SLC1A2: variants seen among roughly 807,000 people sequenced by gnomAD.
SLC1A2 encodes the protein excitatory amino acid transporter 2.
A neutral mutation model predicts 48.8 loss-of-function variants in SLC1A2; 15 were observed. The ratio of observed to expected loss-of-function variants is 0.31; its 90% CI spans 0.21 to 0.47. The LOEUF is 0.47. Ranked by LOEUF, SLC1A2 falls within the 20% of genes least tolerant of loss-of-function variation. SLC1A2 has a pLI of 0.99. For missense variants in SLC1A2, 502 were observed against 730.5 expected, an observed-to-expected ratio of 0.69 and a Z score of 3.61; for synonymous variants, 279 against 272.6, an observed-to-expected ratio of 1.02 and a Z score of -0.23.
intron 1 of SLC1A2, among the ~76,000 whole-genome samples, chr11:35,371,296 C>G (rs937046256): frequency 2.0e-5 from 3 of 152,196 alleles, no homozygotes; most frequent in Admixed American, 6.5e-5. Context: ...CATTCCCTCC[C>G]TTCCTAGTGA....
upstream of SLC1A2, chr11:35,419,873 C>T (rs752081805): frequency 2.2e-6 from 1 of 454,476 alleles, no homozygotes; most frequent in South Asian, 1.6e-5. This position sits in a 1 kb window ranked among gnomAD's most constrained non-coding sequence, Gnocchi z 5.4. Context: ...GCTCCCTCCT[C>T]ACTCCCCGGA....
At chr11:35,389,272 C>G (rs1854683443) in intron 1 of SLC1A2, among the ~76,000 whole-genome samples, 1 of 152,130 alleles carries the variant, frequency 6.6e-6, no homozygotes, top group South Asian at 2.1e-4. Flanking sequence ...GCTTAAATCA[C>G]TGGGTGAATT....
Position 35,306,183 on chromosome 11 carries a change from T to G in SLC1A2, c.621A>C (p.Ala207=), listed in dbSNP as rs1264867658. The change falls in exon 5 of 11, where the codon GCA becomes GCC. Residue 207 remains alanine, a synonymous_variant. Transcript: ENST00000278379. ...TCAACAGAGAGACAACAGCGCTGGT[T>G]GCGTTGGCCTCCTCGTCCGGCGGTG... is the stretch of plus-strand genomic sequence containing the variant. ...VAPPPDEEAN[A]TSAVVSLLNE... 1 of 1,614,048 alleles carries G rather than the reference T, an allele frequency of 6.2e-7. No individual in the cohort carries two copies. Among genetic ancestry groups the G allele is most frequent in the Non-Finnish European group, 8.5e-7 (1 of 1,179,952 alleles).
At chr11:35,402,429 GA>G (rs967819815) in intron 1 of SLC1A2, among the ~76,000 whole-genome samples, 1 of 152,206 alleles carries the variant, frequency 6.6e-6, no homozygotes, top group Non-Finnish European at 1.5e-5. Context: ...GGCCCACCCA[GA>G]GAGGCATGAA....
At chr11:35,412,823 G>A (rs1855502086) in intron 1 of SLC1A2, among the ~76,000 whole-genome samples, 1 of 152,166 alleles carries the variant, frequency 6.6e-6, no homozygotes, top group African/African-American at 2.4e-5. Flanking sequence ...CCCAAAGGTT[G>A]GGACCCATGT....
chr11:35,260,183 A>G lies in SLC1A2; in HGVS notation c.*711T>C, dbSNP rs1950371940. ...TACTTCCTAATCAATTATCAAATTT[A>G]GAAAGAATAATGAAACATACTTTGA... On this transcript the variant is annotated 3_prime_UTR_variant, in exon 11 of 11. Coordinates refer to ENST00000278379, the MANE Select transcript of SLC1A2 (RefSeq NM_004171.4). 1 of 152,266 alleles carries G rather than the reference A, an allele frequency of 6.6e-6. No homozygotes were observed. Among genetic ancestry groups the G allele is most frequent in the African/African-American group, 2.4e-5 (1 of 41,472 alleles). The allele number at this position is 152,266 out of a possible 1,614,324, so 9.4% of individuals were successfully genotyped here.
At chr11:35,339,266 C>T (rs372722407) in intron 1 of SLC1A2, among the ~76,000 whole-genome samples, 5 of 152,152 alleles carry the variant, frequency 3.3e-5, no homozygotes, top group South Asian at 2.1e-4. Context: ...AATCTCAATG[C>T]GGTGAACAAG....
intron 1 of SLC1A2, among the ~76,000 whole-genome samples, chr11:35,366,471 G>A (rs753303636): frequency 1.3e-5 from 2 of 152,194 alleles, no homozygotes; most frequent in African/African-American, 2.4e-5. Context: ...GTTTGGTTGT[G>A]TAAATATACC....
At position 35,257,082 on chromosome 11, in the gene SLC1A2, C is replaced by T. The variant is rs1397544957; in HGVS notation, c.*3812G>A. 1.3e-5 allele frequency: 2 copies of T among 152,148 alleles called. No individual in the cohort carries two copies. The highest frequency in any genetic ancestry group is 2.9e-5 in the Non-Finnish European group (2 of 68,032). The allele number at this position is 152,148 out of a possible 1,614,324, so 9.4% of individuals were successfully genotyped here. On this transcript the variant is annotated 3_prime_UTR_variant, in exon 11 of 11. Coordinates refer to ENST00000278379, the MANE Select transcript of SLC1A2 (RefSeq NM_004171.4). ...GCAAAAACATGGCAGAATTGGGTTT[C>T]CTTTGGTGGACCCAGTAAATGAGTT...
intron 1 of SLC1A2, among the ~76,000 whole-genome samples, chr11:35,336,534 C>A (rs1009051560): frequency 2.0e-5 from 3 of 152,060 alleles, no homozygotes; most frequent in Non-Finnish European, 4.4e-5. Context: ...TTTGTTTGAT[C>A]CTCACAACAA....
rs1472813585 is a variant in SLC1A2, at chr11:35,260,880, T to A, written c.*14A>T. ...CTGGGGAGTTTATTCAAGAATTTGC[T>A]GAGACTCATATCCTTATTTCTCACG... On this transcript the variant is annotated 3_prime_UTR_variant, in exon 11 of 11. Transcript: ENST00000278379. 1 of 1,591,350 alleles carries A rather than the reference T, an allele frequency of 6.3e-7. No individual in the cohort carries two copies. The highest frequency in any genetic ancestry group is 8.6e-7 in the Non-Finnish European group (1 of 1,159,268).
intron 1 of SLC1A2, among the ~76,000 whole-genome samples, chr11:35,325,977 AAAAAAAAAG>A (rs1359342061): frequency 3.0e-4 from 35 of 118,066 alleles, no homozygotes; most frequent in African/African-American, 1.0e-3. Flanking sequence ...AAAAAAAAAA[AAAAAAAAAG>A]GAGGGAACAC....
intron 6 of SLC1A2, among the ~76,000 whole-genome samples, chr11:35,300,477 TA>T (rs1460902471): frequency 1.3e-5 from 2 of 152,226 alleles, no homozygotes; most frequent in South Asian, 4.1e-4. Flanking sequence ...GTGCTCTTAA[TA>T]AAAGATGCTC....
chr11:35,381,444 CA>C (rs371872887), intron 1 of SLC1A2, among the ~76,000 whole-genome samples: 6 of 152,158 alleles, frequency 3.9e-5, no homozygotes, highest in African/African-American at 1.4e-4. Context: ...GGGAGAGTAG[CA>C]AAGTCTAGAT....
intron 1 of SLC1A2, among the ~76,000 whole-genome samples, chr11:35,398,947 C>A (rs1207625503): frequency 6.6e-6 from 1 of 152,182 alleles, no homozygotes; most frequent in Non-Finnish European, 1.5e-5. Context: ...TGAGAATAAG[C>A]AGAGGGTGTT....
chr11:35,366,021 C>G (rs1221784408), intron 1 of SLC1A2, among the ~76,000 whole-genome samples: 2 of 152,150 alleles, frequency 1.3e-5, no homozygotes, highest in East Asian at 3.8e-4. Flanking sequence ...AAAGAATTAG[C>G]CAGCCCCAAA....
chr11:35,294,908 G>T (rs963255703), intron 6 of SLC1A2, among the ~76,000 whole-genome samples: 1 of 152,342 alleles, frequency 6.6e-6, no homozygotes, highest in Non-Finnish European at 1.5e-5. Flanking sequence ...AATATGGCAA[G>T]AAGAAGCCCT....
rs190677188 is a variant in SLC1A2 at position 35,385,117 on chromosome 11, C to G, written c.17+33833G>C. ...GAGGCCCCAGAGTGACCCAGTGAGACAGTGAAATAGAAATATTCAAAAATA... is the reference window on the plus strand; with the variant it reads ...GAGGCCCCAGAGTGACCCAGTGAGAGAGTGAAATAGAAATATTCAAAAATA... On this transcript the variant is annotated intron_variant, in intron 1 of 10. Coordinates refer to ENST00000278379, the MANE Select transcript of SLC1A2 (RefSeq NM_004171.4). Among the ~76,000 whole-genome samples, 7 of 152,324 alleles carry G rather than the reference C, an allele frequency of 4.6e-5. No individual in the cohort carries two copies. The East Asian group carries it at 1.4e-3, about 29-fold the overall frequency.
Position 35,253,923 on chromosome 11 carries a change from T to C in SLC1A2, c.*6971A>G, listed in dbSNP as rs1363805222. On this transcript the variant is annotated 3_prime_UTR_variant, in exon 11 of 11. Coordinates refer to ENST00000278379, the MANE Select transcript of SLC1A2 (RefSeq NM_004171.4). ...ACCTATAACATTATTAAAGGCTAAA[T>C]TAATATTAAACATATAACATCCAGG... 1 of 152,556 alleles carries C rather than the reference T, an allele frequency of 6.6e-6. No individual in the cohort carries two copies. The highest frequency in any genetic ancestry group is 2.4e-5 in the African/African-American group (1 of 41,450). 9.5% of individuals were successfully genotyped at this position (152,556 alleles called of 1,614,324 possible). A position where few individuals can be genotyped will look rare whatever the true frequency, so the allele number is the denominator to read the frequency against.
Sources: allele counts gnomAD v4.1 joint callset (sites outside exome capture counted in the v4.1 genomes callset), GRCh38; gene constraint gnomAD v4.1.1; non-coding constraint Gnocchi (gnomAD v3.1); transcripts MANE v1.5; gene names NCBI Gene and HGNC (gene_info 2026-07-23, HGNC 2026-07-21).